The following BCR variants were observed in gnomAD, a reference collection of about 807,000 sequenced individuals.
The protein encoded by BCR is BCR activator of RhoGEF and GTPase, also known as breakpoint cluster region protein.
Under a neutral mutation model 138.6 loss-of-function variants are expected in BCR, and 58 were observed. The ratio of observed to expected loss-of-function variants is 0.42; its 90% CI spans 0.34 to 0.52. BCR has a LOEUF of 0.52. Among genes scored for constraint, BCR ranks in the 20% least tolerant of loss-of-function variants. The probability of loss-of-function intolerance (pLI) is 0.06; values close to 1 mark genes in which losing one functional copy is unlikely to be tolerated. For synonymous variants in BCR, 786 were observed against 730.1 expected, an observed-to-expected ratio of 1.08 and a Z score of -1.23; for missense variants, 1,599 against 1,727.2, an observed-to-expected ratio of 0.93 and a Z score of 1.32.
chr22:23,207,806 G>A (rs1426282452), intron 1 of BCR, among the ~76,000 whole-genome samples: 3 of 152,156 alleles, frequency 2.0e-5, no homozygotes, highest in Non-Finnish European at 4.4e-5. Flanking sequence ...TGATGATGTG[G>A]GGTGGTCTGG....
chr22:23,202,474 A>G (rs2072563926), intron 1 of BCR, among the ~76,000 whole-genome samples: 1 of 152,074 alleles, frequency 6.6e-6, no homozygotes, highest in African/African-American at 2.4e-5. Context: ...CCACCTTGCA[A>G]AACTGAAAAT....
chr22:23,302,954 G>C (rs1380538143), intron 16 of BCR: 1 of 152,078 alleles, frequency 6.6e-6, no homozygotes, highest in Non-Finnish European at 1.5e-5. Context: ...CGACAGATAA[G>C]GATGAGAACA....
intron 1 of BCR, among the ~76,000 whole-genome samples, chr22:23,194,717 G>T (rs2072457251): frequency 6.6e-6 from 1 of 151,976 alleles, no homozygotes; most frequent in African/African-American, 2.4e-5. Flanking sequence ...CGGCCGGGTG[G>T]ATCTCTTATT....
chr22:23,262,676 T>TGGGGCCGCCGGGAATGGC (rs2073376027), intron 4 of BCR: 1 of 656,654 alleles, frequency 1.5e-6, no homozygotes, highest in Non-Finnish European at 1.9e-6. Flanking sequence ...CCGCTGGGTG[T>TGGGGCCGCCGGGAATGGC]GGGGCCGCCG....
Position 23,289,642 on chromosome 22 carries a change from G to T in BCR, c.2707+21G>T, listed in dbSNP as rs527236142. ...GGAAGGTGGGCCCCCCCGTTTCCGT[G>T]TACAGGGCACCTGCAGGGAGGGCAG... On this transcript the variant is annotated intron_variant, in intron 13 of 22. Coordinates refer to ENST00000305877, the MANE Select transcript of BCR (RefSeq NM_004327.4). 6.3e-7 allele frequency: 1 copy of T among 1,595,978 alleles called. No individual in the cohort carries two copies. The highest frequency in any genetic ancestry group is 8.6e-7 in the Non-Finnish European group (1 of 1,163,842).
chr22:23,299,610 G>A (rs1184455621), intron 16 of BCR, among the ~76,000 whole-genome samples: 1 of 151,796 alleles, frequency 6.6e-6, no homozygotes, highest in Non-Finnish European at 1.5e-5. Context: ...CATTCTCTGT[G>A]GTATCTCCAG....
intron 1 of BCR, among the ~76,000 whole-genome samples, chr22:23,205,398 G>C (rs1220433641): frequency 1.3e-5 from 2 of 152,172 alleles, no homozygotes; most frequent in Non-Finnish European, 2.9e-5. Context: ...CTCCTCTCAC[G>C]GATCTGCCGG....
intron 1 of BCR, among the ~76,000 whole-genome samples, chr22:23,183,871 G>A (rs983729424): frequency 6.6e-6 from 1 of 152,304 alleles, no homozygotes; most frequent in African/African-American, 2.4e-5. Flanking sequence ...ATCACTAGAC[G>A]CCGAATGCAA....
chr22:23,195,869 CAA>C (rs2072474277), intron 1 of BCR, among the ~76,000 whole-genome samples: 1 of 152,160 alleles, frequency 6.6e-6, no homozygotes, highest in Non-Finnish European at 1.5e-5. Context: ...GCCTGGGCAA[CAA>C]GAGTGAAACT....
At chr22:23,219,269 G>A (rs926633884) in intron 1 of BCR, among the ~76,000 whole-genome samples, 1 of 152,214 alleles carries the variant, frequency 6.6e-6, no homozygotes, top group Non-Finnish European at 1.5e-5. Flanking sequence ...TGAAAGCTGA[G>A]CGTGCCCACC....
intron 5 of BCR, among the ~76,000 whole-genome samples, chr22:23,270,945 T>C (rs987690472): frequency 2.6e-5 from 4 of 152,168 alleles, no homozygotes; most frequent in African/African-American, 9.6e-5. Flanking sequence ...CAGGTGGAGG[T>C]ATAATCCAGT....
intron 2 of BCR, among the ~76,000 whole-genome samples, chr22:23,258,686 CACAT>C (rs1211271386): frequency 6.6e-6 from 1 of 152,188 alleles, no homozygotes; most frequent in Non-Finnish European, 1.5e-5. Context: ...GGGTGTTACT[CACAT>C]ACGATAGGTA....
At chr22:23,214,206 GTT>G (rs11384313) in intron 1 of BCR, among the ~76,000 whole-genome samples, 1 of 138,340 alleles carries the variant, frequency 7.2e-6, no homozygotes. Context: ...TGTTTGGTTT[GTT>G]TTTTTTTTTT....
In BCR at chr22:23,201,746, C is replaced by A. The variant is rs185970675; in HGVS notation, c.1279+19507C>A. On this transcript the variant is annotated intron_variant, in intron 1 of 22. Transcript: ENST00000305877. ...CTGGGATTACAGGTGTGAGCCACCG[C>A]GCCCGGCCAAGTCTGGGTTTTTTGA... Among the ~76,000 whole-genome samples the A allele has an allele frequency of 1.4e-3, 220 of 152,260 alleles. 2 individuals are homozygous for A. Among genetic ancestry groups the A allele is most frequent in the African/African-American group, 5.2e-3 (214 of 41,546 alleles).
chr22:23,277,730 G>T (rs992215484), intron 8 of BCR, among the ~76,000 whole-genome samples: 1 of 152,152 alleles, frequency 6.6e-6, no homozygotes, highest in Non-Finnish European at 1.5e-5. Flanking sequence ...CCCTCTGCAG[G>T]GTCAGCCACC....
At chr22:23,262,662 AGGGCCGCTGGGTGTG>A (rs1275996816) in intron 4 of BCR, 1 of 556,506 alleles carries the variant, frequency 1.8e-6, no homozygotes, top group Non-Finnish European at 2.3e-6. Flanking sequence ...TTGGGCAGCC[AGGGCCGCTGGGTGTG>A]GGGCCGCCGG....
At chr22:23,255,173 T>G (rs1307118823) in intron 2 of BCR, among the ~76,000 whole-genome samples, 1 of 152,240 alleles carries the variant, frequency 6.6e-6, no homozygotes, top group East Asian at 1.9e-4. Flanking sequence ...CTGGGACTGC[T>G]GCTTACGTAT....
At chr22:23,245,162 T>C (rs764294409) in intron 1 of BCR, among the ~76,000 whole-genome samples, 33 of 152,230 alleles carry the variant, frequency 2.2e-4, no homozygotes, top group Non-Finnish European at 3.1e-4. Context: ...GTCGTGTGGG[T>C]TGGACTTTCT....
chr22:23,300,272 A>G (rs373618461), intron 16 of BCR, among the ~76,000 whole-genome samples: 3 of 151,706 alleles, frequency 2.0e-5, no homozygotes, highest in African/African-American at 7.3e-5. Context: ...GGATTTGCCT[A>G]CTCTAGCTAC....
Sources: gnomAD v4.1 joint callset for allele counts (sites outside exome capture counted in the v4.1 genomes callset) on GRCh38, gnomAD v4.1.1 for gene constraint, MANE v1.5 for transcripts, NCBI Gene and HGNC (gene_info 2026-07-23, HGNC 2026-07-21) for gene names.